TXNRD3: variants seen among roughly 807,000 people sequenced by gnomAD.
The protein encoded by TXNRD3 is thioredoxin reductase 3.
Under a neutral mutation model 78.2 loss-of-function variants are expected in TXNRD3, and 68 were observed. That is an observed-to-expected ratio of 0.87 (90% CI 0.72 to 1.06). The LOEUF is 1.06. Among genes scored for constraint, TXNRD3 ranks in the 50% least tolerant of loss-of-function variants. The probability of loss-of-function intolerance (pLI) is 0.00; values close to 1 mark genes in which losing one functional copy is unlikely to be tolerated. For synonymous variants in TXNRD3, 296 were observed against 300.1 expected (o/e 0.99, Z 0.14); for missense variants, 751 against 809.5 (o/e 0.93, Z 0.88).
In TXNRD3 at chr3:126,640,389, G is replaced by A. The variant is rs1933045421; in HGVS notation, c.712+1643C>T. 2.4e-4 allele frequency among the ~76,000 whole-genome samples: 2 copies of A among 8,178 alleles called. 1 individual carries two copies. Among genetic ancestry groups the A allele is most frequent in the South Asian group, 4.5e-3 (2 of 440 alleles). The allele number at this position is 8,178 out of a possible 152,430, so 5.4% of individuals were successfully genotyped here. On this transcript the variant is annotated intron_variant, in intron 6 of 15. Transcript: ENST00000524230. Reference sequence around the variant, plus strand: ...CCCAAAGTGCTGGGATTACAGGCGTGAGCCACCGCGCCCGGCCGCTGCTTG... The same window carrying A: ...CCCAAAGTGCTGGGATTACAGGCGTAAGCCACCGCGCCCGGCCGCTGCTTG...
At chr3:126,644,095 T>A in intron 4 of TXNRD3, 42 bp from the exon 5 acceptor site, 1 of 1,526,698 alleles carries the variant, frequency 6.6e-7, no homozygotes, top group Non-Finnish European at 8.8e-7. Context: ...AAAGATCTTG[T>A]CACTTTCCTG....
At chr3:126,613,683 A>T (rs1278991393) in intron 13 of TXNRD3, among the ~76,000 whole-genome samples, 1 of 152,256 alleles carries the variant, frequency 6.6e-6, no homozygotes, top group African/African-American at 2.4e-5. Context: ...CCATTGTAAC[A>T]TCATAGTGTA....
chr3:126,612,258 G>A (rs1367352408), intron 13 of TXNRD3, among the ~76,000 whole-genome samples: 2 of 151,930 alleles, frequency 1.3e-5, no homozygotes, highest in African/African-American at 4.8e-5. Flanking sequence ...AGCTTGTCTC[G>A]AACTCCTAAG....
chr3:126,631,162 A>G (rs1938706221), intron 8 of TXNRD3, among the ~76,000 whole-genome samples: 1 of 151,814 alleles, frequency 6.6e-6, no homozygotes, highest in African/African-American at 2.4e-5. Context: ...TTTTTAAAAA[A>G]TAAAATAGTA....
intron 7 of TXNRD3, among the ~76,000 whole-genome samples, chr3:126,632,292 G>A (rs573639853): frequency 2.8e-4 from 42 of 152,196 alleles, no homozygotes; most frequent in Non-Finnish European, 5.4e-4. Flanking sequence ...CTAGAGCCAA[G>A]TGCGAAGGCC....
intron 6 of TXNRD3, among the ~76,000 whole-genome samples, chr3:126,640,309 G>C (rs1357292149): frequency 6.2e-5 from 1 of 16,122 alleles, no homozygotes. Context: ...GGGTTTCACC[G>C]TGTTAGCCAG....
At chr3:126,631,691 G>A in intron 8 of TXNRD3, 73 bp downstream of exon 8, 2 of 919,690 alleles carry the variant, frequency 2.2e-6, no homozygotes, top group Admixed American at 2.2e-5. Flanking sequence ...AATAAGACAG[G>A]AAGTAAACTG....
At chr3:126,617,019 G>A (rs1938333869) in intron 12 of TXNRD3, among the ~76,000 whole-genome samples, 1 of 152,108 alleles carries the variant, frequency 6.6e-6, no homozygotes, top group South Asian at 2.1e-4. Flanking sequence ...TTATTGACTG[G>A]CAGCTGACCC....
At chr3:126,620,861 G>A (rs549571444) in intron 12 of TXNRD3, among the ~76,000 whole-genome samples, 67 of 152,196 alleles carry the variant, frequency 4.4e-4, no homozygotes, top group African/African-American at 1.6e-3. Flanking sequence ...ATTGTGTTTG[G>A]GACAATTTTT....
chr3:126,649,061 A>G (rs1933310289), intron 1 of TXNRD3, among the ~76,000 whole-genome samples: 1 of 152,226 alleles, frequency 6.6e-6, no homozygotes, highest in Non-Finnish European at 1.5e-5. Flanking sequence ...AGGTGACCCA[A>G]GGAACTGAAT....
At chr3:126,653,202 C>G (rs537375715) in intron 1 of TXNRD3, among the ~76,000 whole-genome samples, 1 of 152,322 alleles carries the variant, frequency 6.6e-6, no homozygotes, top group African/African-American at 2.4e-5. Context: ...GAACTTAACT[C>G]TTATTTCTAT....
intron 10 of TXNRD3, among the ~76,000 whole-genome samples, chr3:126,622,937 A>C (rs577331110): frequency 1.3e-5 from 2 of 152,304 alleles, no homozygotes; most frequent in East Asian, 3.9e-4. Context: ...AAGGATGACC[A>C]TGTGAGGACA....
In TXNRD3 at chr3:126,654,924, C is replaced by T. The variant is rs1055507326; in HGVS notation, c.67G>A (p.Gly23Ser). The change falls in exon 1 of 16, where the codon GGC becomes AGC. Residue 23 changes from glycine to serine, a missense_variant. Physicochemically the swap from Gly to Ser is moderately conservative, Grantham distance 56 (BLOSUM62 0). Coordinates refer to ENST00000524230, the MANE Select transcript of TXNRD3 (RefSeq NM_052883.3). ...AACACGCGCGCCCCTCGGACATGGC[C>T]CGAGCGGCGGTTGGGGGCATCGCCC... 2.3e-6 allele frequency: 3 copies of T among 1,299,448 alleles called. No homozygotes were observed. The highest frequency in any genetic ancestry group is 4.2e-5 in the Admixed American group (1 of 23,730). The allele number at this position is 1,299,448 out of a possible 1,614,324, so 80.5% of individuals were successfully genotyped here. A position where few individuals can be genotyped will look rare whatever the true frequency, so the allele number is the denominator to read the frequency against.
intron 1 of TXNRD3, among the ~76,000 whole-genome samples, chr3:126,650,855 T>C (rs922021746): frequency 1.3e-5 from 2 of 152,224 alleles, no homozygotes; most frequent in Non-Finnish European, 1.5e-5. Flanking sequence ...TTTCTTAGAC[T>C]GTTCTGATCC....
intron 10 of TXNRD3, among the ~76,000 whole-genome samples, chr3:126,622,780 CCTATCT>C (rs1938488898): frequency 6.6e-6 from 1 of 152,168 alleles, no homozygotes; most frequent in African/African-American, 2.4e-5. Context: ...ATGCTGAAAT[CCTATCT>C]CTAAGTACCT....
chr3:126,616,001 G>C, intron 12 of TXNRD3, among the ~76,000 whole-genome samples: 1 of 152,066 alleles, frequency 6.6e-6, no homozygotes, highest in East Asian at 1.9e-4. Flanking sequence ...TGTCTGGAGG[G>C]GGGTGCTAAT....
At position 126,621,852 on chromosome 3, in the gene TXNRD3, A is replaced by T; in HGVS notation, c.1414T>A (p.Tyr472Asn). The T allele has an allele frequency of 1.3e-6, 2 of 1,534,310 alleles. No homozygotes were observed. Among genetic ancestry groups the T allele is most frequent in the Non-Finnish European group, 1.7e-6 (2 of 1,146,470 alleles). The change falls in exon 12 of 16, where the codon TAT (tyrosine) becomes AAT (asparagine). Residue 472 changes from tyrosine (Y) to asparagine (N), a missense_variant. By Grantham distance (143) the Tyr-to-Asn change is moderately radical (BLOSUM62 -2). Transcript: ENST00000524230. ...AAAATATCACCAACAGCATAGACAT[A>T]TGGCACATTGGTCTGTTCCACATCA...
At position 126,642,025 on chromosome 3, in the gene TXNRD3, T is replaced by C; in HGVS notation, c.712+7A>G. 6.5e-7 allele frequency: 1 copy of C among 1,532,742 alleles called. No individual in the cohort carries two copies. Among genetic ancestry groups the C allele is most frequent in the Non-Finnish European group, 8.7e-7 (1 of 1,145,990 alleles). The allele number at this position is 1,532,742 out of a possible 1,614,324, so 94.9% of individuals were successfully genotyped here. ...TCTCAATCTATACTTTATGAACCAT[T>C]ACTCACCTTGTTGATTATATTCCCA... On this transcript the variant is annotated splice_region_variant and intron_variant, in intron 6 of 15. Coordinates refer to ENST00000524230, the MANE Select transcript of TXNRD3 (RefSeq NM_052883.3).
chr3:126,613,401 T>C lies in TXNRD3; in HGVS notation c.1632+1954A>G, dbSNP rs547784745. Among the ~76,000 whole-genome samples the C allele has an allele frequency of 2.0e-5, 3 of 152,316 alleles. No individual in the cohort carries two copies. The East Asian group carries it at 5.8e-4, about 29-fold the overall frequency. On this transcript the variant is annotated intron_variant, in intron 13 of 15. Transcript: ENST00000524230. ...ACAGTTATACTCTTAGCTACAACAG[T>C]TACCAGTGTTTCCTTTACTATGTAA...
Sources: allele counts gnomAD v4.1 joint callset (sites outside exome capture counted in the v4.1 genomes callset), GRCh38; gene constraint gnomAD v4.1.1; transcripts MANE v1.5; gene names NCBI Gene and HGNC (gene_info 2026-07-23, HGNC 2026-07-21).